Variants in ZFPM2 observed in about 807,000 individuals in gnomAD.
The protein encoded by ZFPM2 is zinc finger protein ZFPM2.
A neutral mutation model predicts 98.6 loss-of-function variants in ZFPM2; 20 were observed. That is an observed-to-expected ratio of 0.20 (90% CI 0.14 to 0.29). The LOEUF is 0.29. Among genes scored for constraint, ZFPM2 ranks in the 10% least tolerant of loss-of-function variants. ZFPM2 has a pLI of 1.00. For missense variants in ZFPM2, 1,310 were observed against 1,388.6 expected, an observed-to-expected ratio of 0.94 and a Z score of 0.90; for synonymous variants, 518 against 502.7, an observed-to-expected ratio of 1.03 and a Z score of -0.41.
intron 1 of ZFPM2, among the ~76,000 whole-genome samples, chr8:105,333,973 C>G (rs1239126084): frequency 6.6e-6 from 1 of 151,296 alleles, no homozygotes; most frequent in Non-Finnish European, 1.5e-5. Context: ...TCACTGTATG[C>G]CTCTTAATAT....
intron 3 of ZFPM2, among the ~76,000 whole-genome samples, chr8:105,503,670 A>C (rs12674625): frequency 0.37 from 55,975 of 152,090 alleles, 12,197 homozygotes; most frequent in African/African-American, 0.62. Flanking sequence ...CATACTTTAA[A>C]GTATTTGTAG....
At chr8:105,442,828 T>C (rs1812281382) in intron 2 of ZFPM2, among the ~76,000 whole-genome samples, 1 of 152,152 alleles carries the variant, frequency 6.6e-6, no homozygotes, top group African/African-American at 2.4e-5. Flanking sequence ...TTAAATGTCA[T>C]TCATCGTAAT....
At chr8:105,761,516 CTTTT>C (rs960225648) in intron 5 of ZFPM2, among the ~76,000 whole-genome samples, 1 of 151,828 alleles carries the variant, frequency 6.6e-6, no homozygotes, top group Non-Finnish European at 1.5e-5. Flanking sequence ...TCTTATTTCT[CTTTT>C]TTTAAGTACA....
chr8:105,600,748 G>T (rs1397820014), intron 4 of ZFPM2, among the ~76,000 whole-genome samples: 1 of 151,702 alleles, frequency 6.6e-6, no homozygotes, highest in Non-Finnish European at 1.5e-5. Flanking sequence ...TATCTCTAAA[G>T]TGTTTATAGC....
intron 3 of ZFPM2, among the ~76,000 whole-genome samples, chr8:105,530,665 G>A (rs1311825115): frequency 1.3e-5 from 2 of 152,126 alleles, no homozygotes; most frequent in East Asian, 1.9e-4. Context: ...TATTGGATTA[G>A]GGTCTACCCT....
chr8:105,412,366 A>G (rs977475005), intron 1 of ZFPM2, among the ~76,000 whole-genome samples: 7 of 151,906 alleles, frequency 4.6e-5, no homozygotes, highest in Admixed American at 4.6e-4. Flanking sequence ...ATTTCCTTCA[A>G]CTTTCTTGAT....
intron 4 of ZFPM2, among the ~76,000 whole-genome samples, chr8:105,604,756 T>A (rs1016023509): frequency 4.6e-5 from 7 of 152,086 alleles, no homozygotes; most frequent in African/African-American, 1.7e-4. Flanking sequence ...TACAGAGCAT[T>A]CTCTGGACGA....
chr8:105,485,706 A>C (rs1813218316), intron 3 of ZFPM2, among the ~76,000 whole-genome samples: 1 of 152,150 alleles, frequency 6.6e-6, no homozygotes, highest in Admixed American at 6.5e-5. Flanking sequence ...ACTTTGTTAA[A>C]GATTTCAAGA....
chr8:105,619,730 G>A (rs1444674387), intron 4 of ZFPM2, among the ~76,000 whole-genome samples: 1 of 148,384 alleles, frequency 6.7e-6, no homozygotes, highest in Non-Finnish European at 1.5e-5. Flanking sequence ...CCCACCCAGT[G>A]TCCAAGTGTT....
At chr8:105,686,999 T>C (rs1408551147) in intron 5 of ZFPM2, among the ~76,000 whole-genome samples, 2 of 152,156 alleles carry the variant, frequency 1.3e-5, no homozygotes, top group Non-Finnish European at 2.9e-5. Context: ...AATTTCCCAG[T>C]GTCCTGTGTA....
At chr8:105,433,885 T>C (rs1812068845) in intron 2 of ZFPM2, among the ~76,000 whole-genome samples, 2 of 152,220 alleles carry the variant, frequency 1.3e-5, no homozygotes, top group South Asian at 2.1e-4. Context: ...TCTGCGGTCC[T>C]CAAATGTATA....
At chr8:105,599,311 G>C (rs1816041081) in intron 4 of ZFPM2, among the ~76,000 whole-genome samples, 1 of 150,802 alleles carries the variant, frequency 6.6e-6, no homozygotes, top group South Asian at 2.1e-4. Flanking sequence ...GTGCTGGATA[G>C]TTTGCCTGCA....
chr8:105,742,620 G>A (rs1479478023), intron 5 of ZFPM2, among the ~76,000 whole-genome samples: 1 of 151,970 alleles, frequency 6.6e-6, no homozygotes, highest in East Asian at 2.0e-4. Context: ...GGCTGGGTGT[G>A]GTGGCTCACA....
intron 5 of ZFPM2, among the ~76,000 whole-genome samples, chr8:105,660,579 A>G (rs1817368715): frequency 6.6e-6 from 1 of 152,246 alleles, no homozygotes; most frequent in South Asian, 2.1e-4. Context: ...ACACATGTAT[A>G]AATGTGCGTA....
chr8:105,463,026 T>A (rs1586390599), intron 3 of ZFPM2, among the ~76,000 whole-genome samples: 1 of 151,870 alleles, frequency 6.6e-6, no homozygotes, highest in Non-Finnish European at 1.5e-5. Context: ...AAAAAAAATA[T>A]AAAATGGTGG....
intron 1 of ZFPM2, among the ~76,000 whole-genome samples, chr8:105,319,248 T>A (rs534594213): frequency 3.2e-4 from 49 of 152,246 alleles, no homozygotes; most frequent in Non-Finnish European, 5.6e-4. Flanking sequence ...GCTGCTTTTT[T>A]AATTCCGACC....
chr8:105,712,845 A>G (rs1420437001), intron 5 of ZFPM2, among the ~76,000 whole-genome samples: 3 of 152,070 alleles, frequency 2.0e-5, no homozygotes, highest in African/African-American at 7.2e-5. Context: ...ACTTAGGATT[A>G]TGGCCTCCAG....
intron 5 of ZFPM2, among the ~76,000 whole-genome samples, chr8:105,670,445 G>T (rs531927583): frequency 7.3e-6 from 1 of 136,070 alleles, no homozygotes; most frequent in Admixed American, 8.2e-5. Flanking sequence ...GCAGTGAGCC[G>T]AGATCGTGCC....
intron 5 of ZFPM2, chr8:105,662,767 A>G (rs1250759117): frequency 3.3e-5 from 5 of 151,766 alleles, no homozygotes; most frequent in Non-Finnish European, 7.4e-5. Flanking sequence ...TAAAGCATCC[A>G]CTTACAAAGG....
Sources: gnomAD v4.1 joint callset for allele counts (sites outside exome capture counted in the v4.1 genomes callset) on GRCh38, gnomAD v4.1.1 for gene constraint, MANE v1.5 for transcripts, NCBI Gene and HGNC (gene_info 2026-07-23, HGNC 2026-07-21) for gene names.